Variants in CRIM1 observed in about 807,000 individuals in gnomAD.
The protein encoded by CRIM1 is cysteine rich transmembrane BMP regulator 1.
A neutral mutation model predicts 116.4 loss-of-function variants in CRIM1; 32 were observed. The observed-to-expected ratio is 0.27, with a 90% confidence interval of 0.21 to 0.37. CRIM1 has a LOEUF of 0.37. Ranked by LOEUF, CRIM1 falls within the 10% of genes least tolerant of loss-of-function variation. The pLI is 1.00. For missense variants in CRIM1, 1,331 were observed against 1,354.8 expected (o/e 0.98, Z 0.28); for synonymous variants, 590 against 509.2 (o/e 1.16, Z -2.13).
chr2:36,467,426 A>T (rs75919302), intron 5 of CRIM1, among the ~76,000 whole-genome samples: 4 of 152,210 alleles, frequency 2.6e-5, no homozygotes, highest in Non-Finnish European at 5.9e-5. Flanking sequence ...CTGTGTATGT[A>T]TATATAAATA....
chr2:36,376,630 A>G (rs1572587857), intron 1 of CRIM1, among the ~76,000 whole-genome samples: 1 of 152,078 alleles, frequency 6.6e-6, no homozygotes, highest in Non-Finnish European at 1.5e-5. Context: ...TTATGGATGG[A>G]TTTGATTATA....
At chr2:36,373,696 T>C (rs749028839) in intron 1 of CRIM1, among the ~76,000 whole-genome samples, 22 of 152,224 alleles carry the variant, frequency 1.4e-4, no homozygotes, top group Non-Finnish European at 2.9e-4. Flanking sequence ...AGGCATTCTC[T>C]GTCAGTCTTT....
chr2:36,540,662 G>A (rs1014906151), intron 14 of CRIM1, among the ~76,000 whole-genome samples: 2 of 150,276 alleles, frequency 1.3e-5, no homozygotes, highest in Non-Finnish European at 3.0e-5. Context: ...TAGGGAATGG[G>A]GAGGCTTATT....
At chr2:36,442,502 T>C (rs17018798) in intron 3 of CRIM1, 113 bp from the exon 4 acceptor site, 219,454 of 1,284,166 alleles carry the variant, frequency 0.17, 23,710 homozygotes, top group East Asian at 0.57. Context: ...TAGGACTGGG[T>C]TTGTGGAAGC....
In CRIM1 at chr2:36,406,633, C is replaced by CAA. The variant is rs1323409826; in HGVS notation, c.505+9854_505+9855dup. On this transcript the variant is annotated intron_variant, in intron 2 of 16. Coordinates refer to ENST00000280527, the MANE Select transcript of CRIM1 (RefSeq NM_016441.3). ...TAATATTTGACCCCTCCCCCCCCCC[C>CAA]AAAAAAAAACAAAAAAAGATAACCT... Among the ~76,000 whole-genome samples the CAA allele has an allele frequency of 2.1e-3, 252 of 118,316 alleles. 2 individuals carry two copies. The highest frequency in any genetic ancestry group is 8.1e-3 in the African/African-American group (229 of 28,118). 77.6% of individuals were successfully genotyped at this position (118,316 alleles called of 152,430 possible).
In CRIM1 at chr2:36,477,079, A is replaced by G. The variant is rs368555508; in HGVS notation, c.1174+8A>G. On this transcript the variant is annotated splice_region_variant and intron_variant, in intron 6 of 16. Transcript: ENST00000280527. ...GCTGCCCAGTGTGTGAAGGTAAGAA[A>G]AGGTGCTAATTACAGATTAACAGGA... is the stretch of plus-strand genomic sequence containing the variant. 88 of 1,601,300 alleles carry G rather than the reference A, an allele frequency of 5.5e-5. No homozygotes were observed. The African/African-American group carries it at 1.1e-3, about 19-fold the overall frequency.
At chr2:36,547,900 T>C (rs894700909) in intron 16 of CRIM1, among the ~76,000 whole-genome samples, 1 of 152,234 alleles carries the variant, frequency 6.6e-6, no homozygotes, top group African/African-American at 2.4e-5. Context: ...TCATAAACCT[T>C]AAGAATTGGA....
At chr2:36,385,526 G>C (rs1024381810) in intron 1 of CRIM1, among the ~76,000 whole-genome samples, 1 of 152,156 alleles carries the variant, frequency 6.6e-6, no homozygotes, top group Admixed American at 6.5e-5. Flanking sequence ...TGGCTCTGCA[G>C]CTCTGTTCCT....
At position 36,411,261 on chromosome 2, in the gene CRIM1, G is replaced by A. The variant is rs74478915; in HGVS notation, c.505+14474G>A. ...TATGTGGTGTTAACACTTCATTGCA[G>A]CATGGAACTCCCAAAAATGTTGTGT... On this transcript the variant is annotated intron_variant, in intron 2 of 16. Coordinates refer to ENST00000280527, the MANE Select transcript of CRIM1 (RefSeq NM_016441.3). Among the ~76,000 whole-genome samples, 1,053 of 152,158 alleles carry A rather than the reference G, an allele frequency of 6.9e-3. 16 individuals carry two copies. The highest frequency in any genetic ancestry group is 0.041 in the Middle Eastern group (12 of 294).
chr2:36,527,959 G>A (rs1376735858), intron 13 of CRIM1, among the ~76,000 whole-genome samples: 1 of 151,926 alleles, frequency 6.6e-6, no homozygotes, highest in African/African-American at 2.4e-5. Context: ...CTAGCTTTAT[G>A]TCTCGGTGAT....
chr2:36,462,850 C>G (rs1677689948), intron 4 of CRIM1, among the ~76,000 whole-genome samples: 1 of 152,040 alleles, frequency 6.6e-6, no homozygotes, highest in South Asian at 2.1e-4. Flanking sequence ...ATGTGCTTAC[C>G]ACTGCAATGG....
At chr2:36,396,252 G>A (rs1292251263) in intron 1 of CRIM1, among the ~76,000 whole-genome samples, 1 of 152,126 alleles carries the variant, frequency 6.6e-6, no homozygotes, top group Admixed American at 6.5e-5. Context: ...ATTGACAAAT[G>A]TGACTCTTGT....
chr2:36,357,202 T>C (rs1288674317), intron 1 of CRIM1, among the ~76,000 whole-genome samples: 2 of 152,204 alleles, frequency 1.3e-5, no homozygotes. Flanking sequence ...CCGCGGAATA[T>C]GTCAGCCCAG....
intron 14 of CRIM1, among the ~76,000 whole-genome samples, chr2:36,543,323 G>C (rs1365196988): frequency 6.6e-6 from 1 of 152,124 alleles, no homozygotes; most frequent in Non-Finnish European, 1.5e-5. Context: ...TTCTCTCAAA[G>C]TCATCTTAAG....
intron 2 of CRIM1, among the ~76,000 whole-genome samples, chr2:36,418,227 T>G (rs1673769868): frequency 6.6e-6 from 1 of 152,228 alleles, no homozygotes; most frequent in African/African-American, 2.4e-5. Context: ...CAAGGCACAG[T>G]GCAGGAGTGC....
intron 11 of CRIM1, among the ~76,000 whole-genome samples, chr2:36,514,233 CAT>C (rs536435475): frequency 1.1e-4 from 17 of 152,142 alleles, no homozygotes; most frequent in Non-Finnish European, 1.9e-4. Flanking sequence ...AATTAATAGA[CAT>C]GTGGCACTCT....
At chr2:36,463,076 C>G (rs1365742190) in intron 4 of CRIM1, among the ~76,000 whole-genome samples, 1 of 152,182 alleles carries the variant, frequency 6.6e-6, no homozygotes, top group Non-Finnish European at 1.5e-5. Flanking sequence ...ACACCCTCTT[C>G]TCCCAGGAAT....
At chr2:36,546,593 A>G (rs1336316427) in intron 15 of CRIM1, among the ~76,000 whole-genome samples, 1 of 152,038 alleles carries the variant, frequency 6.6e-6, no homozygotes, top group Non-Finnish European at 1.5e-5. Flanking sequence ...TTTGCCAATA[A>G]ATCAGCTAAT....
chr2:36,477,854 GC>G (rs947066114), intron 6 of CRIM1, among the ~76,000 whole-genome samples: 4 of 152,176 alleles, frequency 2.6e-5, no homozygotes, highest in Non-Finnish European at 4.4e-5. Flanking sequence ...AAAGTCACTT[GC>G]CTGTAAAGTC....
Sources: gnomAD v4.1 joint callset for allele counts (sites outside exome capture counted in the v4.1 genomes callset) on GRCh38, gnomAD v4.1.1 for gene constraint, MANE v1.5 for transcripts, NCBI Gene and HGNC (gene_info 2026-07-23, HGNC 2026-07-21) for gene names.